Variants in CNTNAP2 observed in about 807,000 individuals in gnomAD.
CNTNAP2 encodes contactin-associated protein-like 2.
CNTNAP2 carries 98 observed loss-of-function variants against 155.2 expected under a neutral mutation model. The observed-to-expected ratio is 0.63, with a 90% CI of 0.54 to 0.75. The LOEUF is 0.75. Ranked by LOEUF, CNTNAP2 falls within the 30% of genes least tolerant of loss-of-function variation. CNTNAP2 has a pLI of 0.00. For synonymous variants in CNTNAP2, 651 were observed against 631.2 expected, an observed-to-expected ratio of 1.03 and a Z score of -0.47; for missense variants, 1,727 against 1,688.1, an observed-to-expected ratio of 1.02 and a Z score of -0.40.
At chr7:147,567,955 G>A (rs758154121) in intron 12 of CNTNAP2, among the ~76,000 whole-genome samples, 9 of 152,146 alleles carry the variant, frequency 5.9e-5, no homozygotes, top group African/African-American at 1.7e-4. Context: ...GTGTGGTGGC[G>A]CACACCTGTA....
intron 12 of CNTNAP2, among the ~76,000 whole-genome samples, chr7:147,564,848 T>TC: frequency 6.6e-6 from 1 of 152,082 alleles, no homozygotes; most frequent in Non-Finnish European, 1.5e-5. Context: ...AGAATTTTTT[T>TC]TCTATTCATT....
At chr7:148,384,537 C>T (rs1159793160) in intron 22 of CNTNAP2, among the ~76,000 whole-genome samples, 1 of 152,172 alleles carries the variant, frequency 6.6e-6, no homozygotes, top group African/African-American at 2.4e-5. Flanking sequence ...AGACTTAGGT[C>T]GTACTCCTAG....
intron 10 of CNTNAP2, among the ~76,000 whole-genome samples, chr7:147,447,120 T>C (rs1015530598): frequency 6.6e-6 from 1 of 152,196 alleles, no homozygotes; most frequent in South Asian, 2.1e-4. Flanking sequence ...AAGAGACAGA[T>C]TCAGCTGTGA....
At chr7:147,320,855 A>G (rs1463079556) in intron 9 of CNTNAP2, among the ~76,000 whole-genome samples, 1 of 152,124 alleles carries the variant, frequency 6.6e-6, no homozygotes. Context: ...TTTCCTGTCT[A>G]GTGGGCTGCA....
At chr7:146,338,886 T>TAA (rs563586572) in intron 1 of CNTNAP2, among the ~76,000 whole-genome samples, 7 of 144,656 alleles carry the variant, frequency 4.8e-5, no homozygotes, top group African/African-American at 1.4e-4. Flanking sequence ...GATTTTTTTT[T>TAA]TAAAAAAGGT....
intron 13 of CNTNAP2, among the ~76,000 whole-genome samples, chr7:147,659,646 G>A (rs1795582543): frequency 6.6e-6 from 1 of 152,130 alleles, no homozygotes; most frequent in African/African-American, 2.4e-5. Context: ...TGACTAGAGA[G>A]TAATACAATT....
intron 2 of CNTNAP2, among the ~76,000 whole-genome samples, chr7:146,826,581 G>A (rs1803404929): frequency 1.3e-5 from 2 of 151,982 alleles, no homozygotes; most frequent in African/African-American, 4.8e-5. Flanking sequence ...GCTCCCTGAT[G>A]TGTGGAGAAG....
At chr7:147,417,395 G>C (rs75480742) in intron 10 of CNTNAP2, among the ~76,000 whole-genome samples, 6,026 of 152,216 alleles carry the variant, frequency 0.04, 170 homozygotes, top group Non-Finnish European at 0.063. Flanking sequence ...CACATGCTAG[G>C]CAGGCAAAGG....
At chr7:148,181,740 C>CTTTT (rs1562986723) in intron 18 of CNTNAP2, among the ~76,000 whole-genome samples, 4 of 98,660 alleles carry the variant, frequency 4.1e-5, no homozygotes, top group Non-Finnish European at 7.9e-5. Context: ...AAGTGTGTGC[C>CTTTT]CTTTTTTTTT....
chr7:147,353,446 T>G (rs1364130422), intron 9 of CNTNAP2, among the ~76,000 whole-genome samples: 1 of 152,074 alleles, frequency 6.6e-6, no homozygotes, highest in East Asian at 1.9e-4. Flanking sequence ...GGTTTCCAGC[T>G]TCATCCATGT....
intron 1 of CNTNAP2, among the ~76,000 whole-genome samples, chr7:146,517,056 A>C (rs1797551716): frequency 6.6e-6 from 1 of 151,992 alleles, no homozygotes; most frequent in Non-Finnish European, 1.5e-5. Flanking sequence ...ATAAGTTTTA[A>C]ATCCTATGCT....
intron 11 of CNTNAP2, among the ~76,000 whole-genome samples, chr7:147,554,768 C>T (rs1485580440): frequency 6.6e-6 from 1 of 151,904 alleles, no homozygotes; most frequent in African/African-American, 2.4e-5. Flanking sequence ...CTACCATCTT[C>T]ATTTGCTGTG....
intron 21 of CNTNAP2, among the ~76,000 whole-genome samples, chr7:148,308,573 AT>A (rs1797532788): frequency 6.6e-6 from 1 of 150,808 alleles, no homozygotes; most frequent in Non-Finnish European, 1.5e-5. Context: ...TTATTTATTT[AT>A]TTATTTATTT....
At chr7:147,785,962 A>C (rs1229381054) in intron 13 of CNTNAP2, among the ~76,000 whole-genome samples, 2 of 151,880 alleles carry the variant, frequency 1.3e-5, no homozygotes, top group Non-Finnish European at 2.9e-5. Context: ...ACCGCACTCC[A>C]CCCTTGGTGA....
At chr7:148,137,592 G>A (rs527362873) in intron 16 of CNTNAP2, among the ~76,000 whole-genome samples, 108 of 152,142 alleles carry the variant, frequency 7.1e-4, no homozygotes, top group South Asian at 1.9e-3. Context: ...AACCTGGGAG[G>A]TGGAGGTTGC....
chr7:147,871,043 T>C (rs549683527), intron 13 of CNTNAP2, among the ~76,000 whole-genome samples: 3 of 152,284 alleles, frequency 2.0e-5, no homozygotes, highest in South Asian at 4.1e-4. Context: ...GGAGTAATTA[T>C]GGCCCCTCGG....
chr7:147,348,140 AAC>A (rs1231718354), intron 9 of CNTNAP2, among the ~76,000 whole-genome samples: 1 of 152,024 alleles, frequency 6.6e-6, no homozygotes, highest in African/African-American at 2.4e-5. Context: ...TAAGGCCTCA[AAC>A]ACACAGATAA....
intron 1 of CNTNAP2, among the ~76,000 whole-genome samples, chr7:146,732,287 G>A (rs770954783): frequency 6.6e-6 from 1 of 152,054 alleles, no homozygotes; most frequent in African/African-American, 2.4e-5. Context: ...ACAGAAACTT[G>A]CATTTCTCAT....
At chr7:146,893,300 A>G (rs112486898) in intron 3 of CNTNAP2, among the ~76,000 whole-genome samples, 2,065 of 152,126 alleles carry the variant, frequency 0.014, 20 homozygotes, top group Non-Finnish European at 0.022. Context: ...AAAAGAATTT[A>G]TCGTGCTGAA....
Sources: gnomAD v4.1 joint callset for allele counts (sites outside exome capture counted in the v4.1 genomes callset) on GRCh38, gnomAD v4.1.1 for gene constraint, MANE v1.5 for transcripts, NCBI Gene and HGNC (gene_info 2026-07-23, HGNC 2026-07-21) for gene names.